The following CTNNA2 variants were observed in gnomAD, a reference collection of about 807,000 sequenced individuals.
CTNNA2 encodes catenin alpha-2.
In CTNNA2, 42 loss-of-function variants were observed where a neutral mutation model predicts 101.0. The observed-to-expected ratio is 0.42, with a 90% CI of 0.32 to 0.54. The LOEUF is 0.54. Ranked by LOEUF, CTNNA2 falls within the 20% of genes least tolerant of loss-of-function variation. The pLI, the probability that CTNNA2 is intolerant of heterozygous loss-of-function variation, is 0.14. For missense variants in CTNNA2, 871 were observed against 1,223.1 expected, an observed-to-expected ratio of 0.71 and a Z score of 4.29; for synonymous variants, 450 against 456.4, an observed-to-expected ratio of 0.99 and a Z score of 0.18.
intron 4 of CTNNA2, among the ~76,000 whole-genome samples, chr2:79,374,241 T>C (rs1278467604): frequency 1.3e-5 from 2 of 152,160 alleles, no homozygotes; most frequent in Non-Finnish European, 2.9e-5. Context: ...TGCATAACAA[T>C]GCATACCTTC....
intron 3 of CTNNA2, among the ~76,000 whole-genome samples, chr2:79,791,734 A>G (rs1675289045): frequency 6.6e-6 from 1 of 152,210 alleles, no homozygotes; most frequent in African/African-American, 2.4e-5. Context: ...GACCAAGCCC[A>G]TGGCTGTGCT....
chr2:79,787,160 G>A lies in CTNNA2; in HGVS notation c.298+42578G>A, dbSNP rs149373599. Among the ~76,000 whole-genome samples, 210 of 152,158 alleles carry A rather than the reference G, an allele frequency of 1.4e-3. 1 individual carries two copies. Among genetic ancestry groups the A allele is most frequent in the African/African-American group, 4.5e-3 (187 of 41,526 alleles). ...TGATCCTCGCTTCAAAATAATCACC[G>A]CCTTTCTTTGCATTGCCATGATTTT... On this transcript the variant is annotated intron_variant, in intron 3 of 18. Transcript: ENST00000402739.
intron 12 of CTNNA2, among the ~76,000 whole-genome samples, chr2:80,568,572 T>C (rs1412015751): frequency 2.1e-5 from 3 of 146,150 alleles, no homozygotes; most frequent in East Asian, 2.0e-4. Context: ...TGTGCGTGTG[T>C]GTGTGTGTGT....
intron 4 of CTNNA2, among the ~76,000 whole-genome samples, chr2:79,410,514 G>A (rs1270324716): frequency 6.6e-6 from 1 of 152,152 alleles, no homozygotes; most frequent in Non-Finnish European, 1.5e-5. Flanking sequence ...AGCATGAAGA[G>A]TTGGTGAATT....
At chr2:80,437,470 T>C (rs182037326) in intron 9 of CTNNA2, among the ~76,000 whole-genome samples, 1,968 of 152,302 alleles carry the variant, frequency 0.013, 19 homozygotes, top group Non-Finnish European at 0.022. Context: ...ATGGATACAT[T>C]GTCATATGTC....
intron 9 of CTNNA2, among the ~76,000 whole-genome samples, chr2:80,491,081 G>A (rs946233784): frequency 2.0e-5 from 3 of 152,154 alleles, no homozygotes; most frequent in Non-Finnish European, 4.4e-5. Context: ...TACACAAACT[G>A]TTTTAAGTCA....
At chr2:80,633,444 C>T (rs1426587246) in intron 18 of CTNNA2, among the ~76,000 whole-genome samples, 1 of 152,164 alleles carries the variant, frequency 6.6e-6, no homozygotes, top group Non-Finnish European at 1.5e-5. Flanking sequence ...CAACTTTTCT[C>T]CCCTTATGGC....
intron 6 of CTNNA2, among the ~76,000 whole-genome samples, chr2:79,902,723 T>C (rs1424223282): frequency 6.6e-6 from 1 of 151,412 alleles, no homozygotes; most frequent in East Asian, 1.9e-4. Flanking sequence ...GCCTCCCAGG[T>C]TCAAGCAATT....
chr2:80,007,092 A>C (rs533492471), intron 7 of CTNNA2, among the ~76,000 whole-genome samples: 1 of 152,280 alleles, frequency 6.6e-6, no homozygotes, highest in Admixed American at 6.5e-5. Flanking sequence ...AGCTAGAGCT[A>C]TTTGGAAGCC....
intron 9 of CTNNA2, among the ~76,000 whole-genome samples, chr2:80,495,797 G>A (rs570080101): frequency 3.3e-5 from 5 of 151,904 alleles, no homozygotes; most frequent in African/African-American, 4.8e-5. Context: ...AAAATTAGCC[G>A]GGCATGGTGG....
intron 7 of CTNNA2, among the ~76,000 whole-genome samples, chr2:80,141,300 C>T (rs571457462): frequency 6.6e-6 from 1 of 151,882 alleles, no homozygotes; most frequent in Non-Finnish European, 1.5e-5. Context: ...ACATGTAACA[C>T]AGTTTCCTTG....
chr2:79,621,186 C>T (rs1352665712), intron 1 of CTNNA2, among the ~76,000 whole-genome samples: 6 of 152,106 alleles, frequency 3.9e-5, no homozygotes, highest in Admixed American at 3.3e-4. Flanking sequence ...ATGCTTTAGA[C>T]GTGTATATAT....
At position 79,629,795 on chromosome 2, in the gene CTNNA2, T is replaced by A. The variant is rs78215311; in HGVS notation, c.-5-21757T>A. 7.3e-3 allele frequency among the ~76,000 whole-genome samples: 1,107 copies of A among 152,252 alleles called. 11 individuals are homozygous for A. Among genetic ancestry groups the A allele is most frequent in the African/African-American group, 0.025 (1,050 of 41,554 alleles). ...ATATTAATGACTTTTTTTAATTTTC[T>A]GAATTTTGTGATATCTTGGCATCTT... On this transcript the variant is annotated intron_variant, in intron 1 of 18. Coordinates refer to ENST00000402739, the MANE Select transcript of CTNNA2 (RefSeq NM_001282597.3).
chr2:80,187,958 A>G (rs149947738), intron 7 of CTNNA2, among the ~76,000 whole-genome samples: 32 of 152,256 alleles, frequency 2.1e-4, no homozygotes, highest in African/African-American at 7.7e-4. Context: ...GTATGTTCCC[A>G]AGACATCAGA....
At chr2:79,832,214 A>G (rs1424588346) in intron 3 of CTNNA2, among the ~76,000 whole-genome samples, 3 of 152,214 alleles carry the variant, frequency 2.0e-5, no homozygotes, top group Non-Finnish European at 4.4e-5. Context: ...AAACTGTGAA[A>G]GGAAACCCTC....
intron 7 of CTNNA2, among the ~76,000 whole-genome samples, chr2:79,954,552 C>T (rs1048393509): frequency 6.6e-6 from 1 of 152,122 alleles, no homozygotes; most frequent in East Asian, 1.9e-4. Context: ...TTTTTGGCTG[C>T]ACAAATTACC....
chr2:80,225,172 C>A (rs1708806906), intron 7 of CTNNA2, among the ~76,000 whole-genome samples: 1 of 152,164 alleles, frequency 6.6e-6, no homozygotes, highest in African/African-American at 2.4e-5. Context: ...CCCCAAGTGA[C>A]AACCATCCAG....
intron 7 of CTNNA2, among the ~76,000 whole-genome samples, chr2:80,189,463 C>T (rs919930019): frequency 6.6e-6 from 1 of 152,212 alleles, no homozygotes; most frequent in Non-Finnish European, 1.5e-5. Context: ...TCTTGTATCC[C>T]ATTCTTCCCT....
At chr2:79,759,975 T>G (rs1036455381) in intron 3 of CTNNA2, among the ~76,000 whole-genome samples, 1 of 152,146 alleles carries the variant, frequency 6.6e-6, no homozygotes, top group Non-Finnish European at 1.5e-5. Flanking sequence ...CCAAAGCAGG[T>G]CTTAAAGCTA....
Sources: gnomAD v4.1 joint callset for allele counts (sites outside exome capture counted in the v4.1 genomes callset) on GRCh38, gnomAD v4.1.1 for gene constraint, MANE v1.5 for transcripts, NCBI Gene and HGNC (gene_info 2026-07-23, HGNC 2026-07-21) for gene names.